Variants in CRBN observed in about 807,000 individuals in gnomAD.
CRBN encodes cereblon, also known as protein cereblon.
Under a neutral mutation model 62.2 loss-of-function variants are expected in CRBN, and 53 were observed. The observed-to-expected ratio is 0.85, with a 90% CI of 0.68 to 1.07. The LOEUF (loss-of-function observed/expected upper bound fraction) is 1.07. CRBN is among the 50% of genes least tolerant of loss of function. The pLI is 0.00. For synonymous variants in CRBN, 208 were observed against 176.1 expected (o/e 1.18, Z -1.43); for missense variants, 616 against 531.1 (o/e 1.16, Z -1.57).
intron 5 of CRBN, among the ~76,000 whole-genome samples, chr3:3,162,748 T>C (rs1383983564): frequency 6.6e-6 from 1 of 152,210 alleles, no homozygotes; most frequent in African/African-American, 2.4e-5. Context: ...TAGCTTGAGT[T>C]AGCTTAGTTA....
chr3:3,160,671 T>G (rs1271723566), intron 5 of CRBN, among the ~76,000 whole-genome samples: 4 of 152,224 alleles, frequency 2.6e-5, no homozygotes, highest in Non-Finnish European at 4.4e-5. Flanking sequence ...AAACAGATTC[T>G]CAAGTTCACA....
intron 1 of CRBN, among the ~76,000 whole-genome samples, chr3:3,177,209 T>C (rs1358178299): frequency 6.6e-6 from 1 of 152,242 alleles, no homozygotes; most frequent in Non-Finnish European, 1.5e-5. Context: ...TCCCAGTTCA[T>C]GTATTTTTAA....
At chr3:3,176,520 G>A (rs4684377) in intron 1 of CRBN, among the ~76,000 whole-genome samples, 1 of 152,172 alleles carries the variant, frequency 6.6e-6, no homozygotes, top group Non-Finnish European at 1.5e-5. Context: ...CAGATCACTT[G>A]AGGTCAGGAG....
At position 3,156,277 on chromosome 3, in the gene CRBN, T is replaced by C. The variant is rs1269554413; in HGVS notation, c.692A>G (p.Lys231Arg). ...YKWWQKYQKRKFHCANLTSWP... is the reference protein window; with the variant it reads ...YKWWQKYQKRRFHCANLTSWP... The stretch of plus-strand genomic sequence containing the variant: ...TGAAGTTAGATTTGCACAATGAAAC[T>C]TTCTCTGAAAACAAAACAAAAAGGC... The change falls in exon 6 of 11, where the codon AAG (lysine) becomes AGG (arginine). Residue 231 changes from lysine to arginine, a missense_variant. Coordinates refer to ENST00000231948, the MANE Select transcript of CRBN (RefSeq NM_016302.4). The C allele has an allele frequency of 1.9e-6, 3 of 1,613,784 alleles. No individual in the cohort carries two copies. Among genetic ancestry groups the C allele is most frequent in the Non-Finnish European group, 2.5e-6 (3 of 1,179,888 alleles).
chr3:3,151,791 C>A (rs1034847291), intron 10 of CRBN, among the ~76,000 whole-genome samples: 6 of 149,304 alleles, frequency 4.0e-5, no homozygotes, highest in Non-Finnish European at 8.8e-5. Context: ...GGGAACTGAA[C>A]AGGTTCCCAG....
intron 1 of CRBN, among the ~76,000 whole-genome samples, chr3:3,179,373 C>T (rs1236300397): frequency 1.3e-5 from 2 of 152,134 alleles, no homozygotes; most frequent in Admixed American, 6.5e-5. Flanking sequence ...GGATGGGTTT[C>T]CTGTTCTTAA....
At chr3:3,155,231 C>T (rs982963516) in intron 6 of CRBN, 1 of 174,224 alleles carries the variant, frequency 5.7e-6, no homozygotes, top group South Asian at 1.5e-4. Context: ...CTATTTACTA[C>T]ATAATTTTCA....
chr3:3,153,176 G>A (rs1706703193), intron 9 of CRBN: 3 of 443,628 alleles, frequency 6.8e-6, no homozygotes, highest in African/African-American at 5.9e-5. Flanking sequence ...AGAATTAGGG[G>A]GAAAAGAATT....
chr3:3,178,266 G>A (rs1338673749), intron 1 of CRBN, among the ~76,000 whole-genome samples: 1 of 152,158 alleles, frequency 6.6e-6, no homozygotes, highest in Non-Finnish European at 1.5e-5. Context: ...GAATGGCTTC[G>A]AGAACAACCA....
Position 3,179,602 on chromosome 3 carries a change from A to G in CRBN, c.67+19T>C, listed in dbSNP as rs1011813580. 6.2e-7 allele frequency: 1 copy of G among 1,612,236 alleles called. No individual in the cohort carries two copies. The highest frequency in any genetic ancestry group is 8.5e-7 in the Non-Finnish European group (1 of 1,178,616). On this transcript the variant is annotated intron_variant, in intron 1 of 10. Coordinates refer to ENST00000231948, the MANE Select transcript of CRBN (RefSeq NM_016302.4). The stretch of plus-strand genomic sequence containing the variant: ...CCTCGCCCCACTCCCGACTACAGGG[A>G]ACTACTCCGGGCGGTTACCAGGCAG...
chr3:3,174,228 T>A lies in CRBN; in HGVS notation c.208A>T (p.Arg70Trp). ...LGADMEEFHG[R>W]TLHDDDSCQV... ...CAGCTGTCGTCATCGTGCAAAGTCC[T>A]GCCATGAAATTCTTCCATATCAGCA... The change falls in exon 3 of 11, where the codon AGG (arginine) becomes TGG (tryptophan). Residue 70 changes from arginine (R) to tryptophan (W), a missense_variant. Transcript: ENST00000231948. 1 of 1,614,176 alleles carries A rather than the reference T, an allele frequency of 6.2e-7. No homozygotes were observed. Among genetic ancestry groups the A allele is most frequent in the Non-Finnish European group, 8.5e-7 (1 of 1,180,002 alleles).
intron 5 of CRBN, among the ~76,000 whole-genome samples, chr3:3,164,568 C>T (rs568360411): frequency 2.0e-5 from 3 of 152,316 alleles, no homozygotes; most frequent in East Asian, 3.9e-4. Flanking sequence ...TCTACTCTGC[C>T]TGTGCTCTGT....
At chr3:3,161,628 C>A (rs935319060) in intron 5 of CRBN, among the ~76,000 whole-genome samples, 2 of 152,074 alleles carry the variant, frequency 1.3e-5, no homozygotes, top group Admixed American at 6.5e-5. Flanking sequence ...ACCTTGTGAT[C>A]CACCCGCCTC....
At chr3:3,158,128 G>T (rs974877219) in intron 5 of CRBN, among the ~76,000 whole-genome samples, 1 of 152,200 alleles carries the variant, frequency 6.6e-6, no homozygotes, top group African/African-American at 2.4e-5. Context: ...TTTTTCCAAA[G>T]ATGGGGTGGA....
At chr3:3,170,023 A>G (rs1188131472) in intron 4 of CRBN, among the ~76,000 whole-genome samples, 1 of 151,572 alleles carries the variant, frequency 6.6e-6, no homozygotes, top group Non-Finnish European at 1.5e-5. Flanking sequence ...ACTGTTGGCG[A>G]AGCTGGAGTG....
chr3:3,168,306 T>C (rs1334940017), intron 4 of CRBN, among the ~76,000 whole-genome samples: 1 of 152,198 alleles, frequency 6.6e-6, no homozygotes, highest in African/African-American at 2.4e-5. Flanking sequence ...GAGAGTTACA[T>C]GCAACCTTTC....
chr3:3,155,489 T>G (rs1706846598), intron 6 of CRBN: 1 of 152,974 alleles, frequency 6.5e-6, no homozygotes, highest in Non-Finnish European at 1.5e-5. Context: ...AGAAGTAATT[T>G]GCTCCAGGCC....
chr3:3,168,542 T>A (rs902626148), intron 4 of CRBN, among the ~76,000 whole-genome samples: 10 of 152,176 alleles, frequency 6.6e-5, no homozygotes, highest in African/African-American at 2.4e-4. Context: ...AGAGTGTAGC[T>A]TCTGAAATGT....
chr3:3,154,229 A>C, intron 7 of CRBN, 154 bp from the exon 8 acceptor site: 1 of 622,744 alleles, frequency 1.6e-6, no homozygotes, highest in East Asian at 2.8e-5. Context: ...CCAGCTGTCA[A>C]AGATACACTT....
Sources: allele counts gnomAD v4.1 joint callset (sites outside exome capture counted in the v4.1 genomes callset), GRCh38; gene constraint gnomAD v4.1.1; transcripts MANE v1.5; gene names NCBI Gene and HGNC (gene_info 2026-07-23, HGNC 2026-07-21).